GABRG3: variants seen among roughly 807,000 people sequenced by gnomAD.
GABRG3 encodes the protein gamma-aminobutyric acid type A receptor subunit gamma3.
A neutral mutation model predicts 48.8 loss-of-function variants in GABRG3; 25 were observed. That is an observed-to-expected ratio of 0.51 (90% CI 0.37 to 0.72). The LOEUF is 0.72. Among genes scored for constraint, GABRG3 ranks in the 30% least tolerant of loss-of-function variants. The pLI is 0.00. For missense variants in GABRG3, 394 were observed against 577.9 expected (o/e 0.68, Z 3.26); for synonymous variants, 227 against 217.6 (o/e 1.04, Z -0.38).
intron 2 of GABRG3, 100 bp from the exon 3 acceptor site, chr15:27,026,654 T>C: frequency 1.5e-6 from 1 of 659,316 alleles, no homozygotes; most frequent in Non-Finnish European, 2.5e-6. Flanking sequence ...GTTTCCACCA[T>C]GTCCTTGTGA....
chr15:27,403,570 C>T (rs1887534687), intron 5 of GABRG3, among the ~76,000 whole-genome samples: 1 of 152,086 alleles, frequency 6.6e-6, no homozygotes, highest in Non-Finnish European at 1.5e-5. Flanking sequence ...AGTTACTTCT[C>T]AACTCAGAGG....
intron 5 of GABRG3, among the ~76,000 whole-genome samples, chr15:27,388,290 AGAAAAGAAGGAAGGAAAGGGAGGGAGG>A (rs1164395134): frequency 3.8e-4 from 16 of 42,582 alleles, no homozygotes; most frequent in Non-Finnish European, 6.6e-4. Context: ...GAAGGAAGGA[AGAAAAGAAGGAAGGAAAGGGAGGGAGG>A]GAAAAGAAGG....
intron 6 of GABRG3, chr15:27,483,348 G>T (rs1226674958): frequency 6.6e-6 from 1 of 152,178 alleles, no homozygotes; most frequent in Non-Finnish European, 1.5e-5. Context: ...CTCCCTGGAG[G>T]TGTTGATCCC....
At chr15:27,242,002 G>A (rs939135599) in intron 3 of GABRG3, among the ~76,000 whole-genome samples, 7 of 152,204 alleles carry the variant, frequency 4.6e-5, no homozygotes, top group Non-Finnish European at 8.8e-5. Context: ...ATGTTCAGCT[G>A]ATATGACAGC....
At chr15:27,334,763 G>A (rs1432228633) in intron 5 of GABRG3, among the ~76,000 whole-genome samples, 2 of 152,046 alleles carry the variant, frequency 1.3e-5, no homozygotes, top group Non-Finnish European at 2.9e-5. Flanking sequence ...AGGCCCTAAA[G>A]TCAACATAAA....
chr15:27,158,439 T>G (rs1898491241), intron 3 of GABRG3: 1 of 152,210 alleles, frequency 6.6e-6, no homozygotes, highest in South Asian at 2.1e-4. Context: ...TGATTTTCCC[T>G]TATTCCATGT....
rs186677926 is a variant in GABRG3 at position 27,534,674 on chromosome 15, C to T, written c.*1793C>T. 3 of 152,284 alleles carry T rather than the reference C, an allele frequency of 2.0e-5. No homozygotes were observed. Among genetic ancestry groups the T allele is most frequent in the African/African-American group, 7.2e-5 (3 of 41,568 alleles). 9.4% of individuals were successfully genotyped at this position (152,284 alleles called of 1,614,324 possible). On this transcript the variant is annotated 3_prime_UTR_variant, in exon 10 of 10. Transcript: ENST00000615808. ...GAAAAGTATCAATTTCACACAATGT[C>T]CTGGATGTATACCAGACACAGAAGA... is the stretch of plus-strand genomic sequence containing the variant.
At chr15:26,997,146 C>A (rs540585434) in intron 2 of GABRG3, among the ~76,000 whole-genome samples, 22 of 152,130 alleles carry the variant, frequency 1.4e-4, no homozygotes, top group African/African-American at 5.3e-4. Context: ...TGTACTTTTT[C>A]GTTCTGGAAT....
In GABRG3 at chr15:27,508,814, C is replaced by T. The variant is rs920238407; in HGVS notation, c.713-11158C>T. ...CTGCAAACTCTGCCTCCCAGGTTCA[C>T]GCCATTCTCTCACCCCAGCCTCCCG... On this transcript the variant is annotated intron_variant, in intron 6 of 9. Transcript: ENST00000615808. 2.6e-5 allele frequency among the ~76,000 whole-genome samples: 4 copies of T among 151,968 alleles called. No homozygotes were observed. The South Asian group carries it at 6.2e-4, about 24-fold the overall frequency.
At chr15:27,321,743 G>C (rs186144788) in intron 3 of GABRG3, among the ~76,000 whole-genome samples, 5 of 152,300 alleles carry the variant, frequency 3.3e-5, no homozygotes, top group African/African-American at 9.6e-5. Flanking sequence ...TTCCCATCCT[G>C]CTCTAATCTC....
intron 5 of GABRG3, among the ~76,000 whole-genome samples, chr15:27,388,320 AAAG>A (rs1296884399): frequency 4.2e-5 from 2 of 48,148 alleles, no homozygotes; most frequent in Non-Finnish European, 7.9e-5. Flanking sequence ...GAGGGAGGGA[AAAG>A]AAGGAAGGAA....
chr15:27,226,017 A>G (rs1889601082), intron 3 of GABRG3, among the ~76,000 whole-genome samples: 1 of 152,174 alleles, frequency 6.6e-6, no homozygotes, highest in Non-Finnish European at 1.5e-5. Context: ...GCAGGCAGGC[A>G]CAGGCACAGA....
intron 3 of GABRG3, among the ~76,000 whole-genome samples, chr15:27,247,470 A>G (rs748286018): frequency 6.6e-6 from 1 of 152,078 alleles, no homozygotes; most frequent in Non-Finnish European, 1.5e-5. Flanking sequence ...TAACATTTCT[A>G]GATGCCATCT....
At chr15:27,012,398 T>C (rs910922946) in intron 2 of GABRG3, among the ~76,000 whole-genome samples, 1 of 152,214 alleles carries the variant, frequency 6.6e-6, no homozygotes, top group Non-Finnish European at 1.5e-5. Flanking sequence ...TTTCATAATG[T>C]TCATCATTCT....
At chr15:27,262,825 T>C (rs1210942947) in intron 3 of GABRG3, among the ~76,000 whole-genome samples, 1 of 152,250 alleles carries the variant, frequency 6.6e-6, no homozygotes, top group Non-Finnish European at 1.5e-5. Flanking sequence ...ATACATTTTT[T>C]TAAATCAGCA....
intron 3 of GABRG3, among the ~76,000 whole-genome samples, chr15:27,190,382 T>C (rs1888252404): frequency 6.6e-6 from 1 of 152,188 alleles, no homozygotes; most frequent in African/African-American, 2.4e-5. Context: ...GGTAAGCTAT[T>C]GATTATTGCC....
chr15:27,534,338 C>T lies in GABRG3; in HGVS notation c.*1457C>T, dbSNP rs1891501893. On this transcript the variant is annotated 3_prime_UTR_variant, in exon 10 of 10. Coordinates refer to ENST00000615808, the MANE Select transcript of GABRG3 (RefSeq NM_033223.5). Reference sequence around the variant, plus strand: ...GAAAAAATATCCCCCCAAATCAATACTCTTTTGATATTTTTATAATACAAA... The same window carrying T: ...GAAAAAATATCCCCCCAAATCAATATTCTTTTGATATTTTTATAATACAAA... 1 of 152,104 alleles carries T rather than the reference C, an allele frequency of 6.6e-6. No homozygotes were observed. The highest frequency in any genetic ancestry group is 1.5e-5 in the Non-Finnish European group (1 of 68,016). The allele number at this position is 152,104 out of a possible 1,614,324, so 9.4% of individuals were successfully genotyped here.
intron 6 of GABRG3, among the ~76,000 whole-genome samples, chr15:27,518,253 C>T (rs544265865): frequency 4.9e-4 from 73 of 150,038 alleles, no homozygotes; most frequent in African/African-American, 1.6e-3. Flanking sequence ...CCTGTAATCC[C>T]AGCTACTTGA....
chr15:27,098,425 C>T (rs570505974), intron 3 of GABRG3, among the ~76,000 whole-genome samples: 1 of 152,184 alleles, frequency 6.6e-6, no homozygotes. Flanking sequence ...CAGACAGACA[C>T]TCCGTCTCAA....
Sources: gnomAD v4.1 joint callset for allele counts (sites outside exome capture counted in the v4.1 genomes callset) on GRCh38, gnomAD v4.1.1 for gene constraint, MANE v1.5 for transcripts, NCBI Gene and HGNC (gene_info 2026-07-23, HGNC 2026-07-21) for gene names.